The following CRISP3 variants were observed in gnomAD, a reference collection of about 807,000 sequenced individuals.
CRISP3 encodes the protein cysteine rich secretory protein 3.
Under a neutral mutation model 36.1 loss-of-function variants are expected in CRISP3, and 33 were observed. That is an observed-to-expected ratio of 0.91 (90% CI 0.69 to 1.22). The LOEUF (loss-of-function observed/expected upper bound fraction) is 1.22. Ranked by LOEUF, CRISP3 falls within the 50% of genes most tolerant of loss-of-function variation. The pLI is 0.00. For missense variants in CRISP3, 330 were observed against 301.2 expected (o/e 1.10, Z -0.71); for synonymous variants, 117 against 104.6 (o/e 1.12, Z -0.72).
chr6:49,736,819 A>T (rs1182564595), intron 2 of CRISP3, among the ~76,000 whole-genome samples: 1 of 152,124 alleles, frequency 6.6e-6, no homozygotes, highest in Non-Finnish European at 1.5e-5. Context: ...TATAGTGACA[A>T]GGGTACATGA....
At chr6:49,737,595 C>T in intron 1 of CRISP3, 197 bp from the exon 2 acceptor site, 1 of 622,492 alleles carries the variant, frequency 1.6e-6, no homozygotes, top group Non-Finnish European at 2.8e-6. Flanking sequence ...TCAACTGGGA[C>T]TATAAAGAAC....
rs748181777 is a variant in CRISP3 at position 49,733,721 on chromosome 6, C to T, written c.444G>A (p.Val148=). 7.4e-6 allele frequency: 12 copies of T among 1,612,970 alleles called. No individual in the cohort carries two copies. The highest frequency in any genetic ancestry group is 9.3e-6 in the Non-Finnish European group (11 of 1,179,268). ...FGVGPKTPNA[V]VGHYTQVVWY... is the part of the protein sequence containing the mutation. ...TCCTTACCTGTGTATAATGTCCAAC[C>T]ACTGCGTTGGGAGTCTTTGGCCCTA... Residue 148 remains valine (V), a synonymous_variant, in exon 5 of 8, where the codon GTG becomes GTA. Coordinates refer to ENST00000263045, the MANE Select transcript of CRISP3 (RefSeq NM_006061.4).
intron 1 of CRISP3, among the ~76,000 whole-genome samples, chr6:49,739,002 A>G (rs1769131305): frequency 1.0e-5 from 1 of 96,216 alleles, no homozygotes; most frequent in African/African-American, 3.7e-5. Flanking sequence ...TTGAAGTCTG[A>G]AAAAAAAAAA....
chr6:49,727,795 C>T lies in CRISP3; in HGVS notation c.*935G>A, dbSNP rs1768803720. ...CTTGAGTTTGCTGGATGTTTTAGCT[C>T]ATAATTAGATTGGGATTATGAATTT... On this transcript the variant is annotated 3_prime_UTR_variant, in exon 8 of 8. Coordinates refer to ENST00000263045, the MANE Select transcript of CRISP3 (RefSeq NM_006061.4). 6.6e-6 allele frequency: 1 copy of T among 152,078 alleles called. No individual in the cohort carries two copies. The highest frequency in any genetic ancestry group is 1.5e-5 in the Non-Finnish European group (1 of 68,000). The allele number at this position is 152,078 out of a possible 1,614,324, so 9.4% of individuals were successfully genotyped here.
chr6:49,731,988 G>T (rs1768928318), intron 6 of CRISP3, among the ~76,000 whole-genome samples: 1 of 152,116 alleles, frequency 6.6e-6, no homozygotes, highest in Non-Finnish European at 1.5e-5. Context: ...TTTCCTATCG[G>T]TAATTATCAT....
intron 1 of CRISP3, among the ~76,000 whole-genome samples, chr6:49,741,370 C>T (rs943444626): frequency 6.6e-6 from 1 of 151,728 alleles, no homozygotes; most frequent in Non-Finnish European, 1.5e-5. Flanking sequence ...TCATAAAAGA[C>T]GTAAGAATAA....
intron 1 of CRISP3, among the ~76,000 whole-genome samples, chr6:49,740,886 G>C (rs979520044): frequency 6.6e-6 from 1 of 151,874 alleles, no homozygotes; most frequent in Non-Finnish European, 1.5e-5. Flanking sequence ...CAGATCACGA[G>C]GTCAAGAGAT....
intron 1 of CRISP3, among the ~76,000 whole-genome samples, chr6:49,737,927 C>A (rs775549023): frequency 1.3e-5 from 2 of 152,162 alleles, no homozygotes; most frequent in Non-Finnish European, 2.9e-5. Flanking sequence ...ATTCTTCAAA[C>A]CCTAGAAAGT....
intron 1 of CRISP3, 87 bp downstream of exon 1, chr6:49,744,244 T>C: frequency 1.1e-6 from 1 of 945,144 alleles, no homozygotes; most frequent in South Asian, 1.8e-5. Flanking sequence ...TATACGAATA[T>C]ATCACTTTAT....
Position 49,732,047 on chromosome 6 carries a change from G to A in CRISP3, c.561-796C>T, listed in dbSNP as rs114965106. On this transcript the variant is annotated intron_variant, in intron 6 of 7. Transcript: ENST00000263045. ...TCTTAATTGCACTAAGTAGGCTAACGGTCCAAGGCTATGTAGCTGAATCTC... is the reference window on the plus strand; with the variant it reads ...TCTTAATTGCACTAAGTAGGCTAACAGTCCAAGGCTATGTAGCTGAATCTC... Among the ~76,000 whole-genome samples, 1,050 of 152,242 alleles carry A rather than the reference G, an allele frequency of 6.9e-3. 10 individuals carry two copies. Among genetic ancestry groups the A allele is most frequent in the African/African-American group, 0.021 (877 of 41,542 alleles).
intron 7 of CRISP3, 106 bp downstream of exon 7, chr6:49,731,057 T>G (rs1768904234): frequency 5.2e-6 from 4 of 770,418 alleles, no homozygotes; most frequent in Non-Finnish European, 8.3e-6. Context: ...CTTTTTGTCC[T>G]TTGCATGAAG....
chr6:49,733,175 A>T lies in CRISP3; in HGVS notation c.560+20T>A. 7.2e-7 allele frequency: 1 copy of T among 1,388,162 alleles called. No individual in the cohort carries two copies. 86.0% of individuals were successfully genotyped at this position (1,388,162 alleles called of 1,614,324 possible). On this transcript the variant is annotated intron_variant, in intron 6 of 7. Coordinates refer to ENST00000263045, the MANE Select transcript of CRISP3 (RefSeq NM_006061.4). ...TTGTATTTAGCATTATTGACAATAA[A>T]CGCTAAAATATATACTTACGCAGGA...
At chr6:49,744,200 G>C in intron 1 of CRISP3, 131 bp downstream of exon 1, 1 of 586,088 alleles carries the variant, frequency 1.7e-6, no homozygotes, top group South Asian at 3.1e-5. Context: ...CTCATTAAAA[G>C]TTATCAATAA....
At chr6:49,734,388 A>G (rs1768990819) in intron 4 of CRISP3, among the ~76,000 whole-genome samples, 1 of 152,152 alleles carries the variant, frequency 6.6e-6, no homozygotes, top group Admixed American at 6.5e-5. Context: ...AAAAGACAAT[A>G]TTTTCACAGG....
rs1769280019 is a variant in CRISP3, at chr6:49,744,384, G to A, written c.-17C>T. 1.3e-6 allele frequency: 2 copies of A among 1,531,778 alleles called. No individual in the cohort carries two copies. Among genetic ancestry groups the A allele is most frequent in the South Asian group, 2.4e-5 (2 of 83,728 alleles). The allele number at this position is 1,531,778 out of a possible 1,614,324, so 94.9% of individuals were successfully genotyped here. A position where few individuals can be genotyped will look rare whatever the true frequency, so the allele number is the denominator to read the frequency against. ...TTGTTTCATCTATTGACAGAAGGAA[G>A]GTGCAGAGAGAGAAGGTTAGAGCCG... On this transcript the variant is annotated 5_prime_UTR_variant, in exon 1 of 8. Coordinates refer to ENST00000263045, the MANE Select transcript of CRISP3 (RefSeq NM_006061.4).
chr6:49,735,678 T>C (rs1769032606), intron 3 of CRISP3, 87 bp from the exon 4 acceptor site: 1 of 886,566 alleles, frequency 1.1e-6, no homozygotes, highest in Non-Finnish European at 1.7e-6. Context: ...TAGGTTGATT[T>C]ACATCATCAT....
intron 1 of CRISP3, 135 bp downstream of exon 1, chr6:49,744,195 TA>T (rs1473884523): frequency 1.7e-6 from 1 of 572,040 alleles, no homozygotes; most frequent in South Asian, 3.1e-5. Context: ...TTACTCTCAT[TA>T]AAAGTTATCA....
chr6:49,728,905 A>G (rs1768845394), intron 7 of CRISP3, 48 bp from the exon 8 acceptor site: 2 of 1,564,378 alleles, frequency 1.3e-6, no homozygotes, highest in Admixed American at 1.8e-5. Context: ...ATTTTCTTTC[A>G]TAACAGCAAC....
chr6:49,735,615 T>C, intron 3 of CRISP3, 24 bp from the exon 4 acceptor site: 3 of 1,578,778 alleles, frequency 1.9e-6, no homozygotes, highest in Non-Finnish European at 2.6e-6. Flanking sequence ...AGAAAAAAGA[T>C]ATCCACTTAA....
Sources: gnomAD v4.1 joint callset for allele counts (sites outside exome capture counted in the v4.1 genomes callset) on GRCh38, gnomAD v4.1.1 for gene constraint, MANE v1.5 for transcripts, NCBI Gene and HGNC (gene_info 2026-07-23, HGNC 2026-07-21) for gene names.